Variants in ZNF608 observed in about 807,000 individuals in gnomAD.
ZNF608 encodes the protein renal carcinoma antigen NY-REN-36.
Under a neutral mutation model 109.0 loss-of-function variants are expected in ZNF608, and 12 were observed. That is an observed-to-expected ratio of 0.11 (90% CI 0.07 to 0.18). The LOEUF is 0.18. Among genes scored for constraint, ZNF608 ranks in the 10% least tolerant of loss-of-function variants. The pLI, the probability that ZNF608 is intolerant of heterozygous loss-of-function variation, is 1.00. For missense variants in ZNF608, 1,707 were observed against 1,879.3 expected, an observed-to-expected ratio of 0.91 and a Z score of 1.70; for synonymous variants, 732 against 717.4, an observed-to-expected ratio of 1.02 and a Z score of -0.33.
At chr5:124,691,027 G>T (rs1049285326) in intron 3 of ZNF608, among the ~76,000 whole-genome samples, 2 of 151,352 alleles carry the variant, frequency 1.3e-5, no homozygotes, top group African/African-American at 4.9e-5. Context: ...TTTGTTATTT[G>T]CTATAATCCC....
At chr5:124,730,361 C>A (rs1336347852) in intron 2 of ZNF608, among the ~76,000 whole-genome samples, 1 of 152,132 alleles carries the variant, frequency 6.6e-6, no homozygotes, top group African/African-American at 2.4e-5. Flanking sequence ...AGCTGAAATC[C>A]AACAAGGGCA....
intron 3 of ZNF608, among the ~76,000 whole-genome samples, chr5:124,655,019 C>T (rs78907607): frequency 0.012 from 1,878 of 152,256 alleles, 51 homozygotes; most frequent in African/African-American, 0.043. Context: ...CAACCCCTGG[C>T]GGCACAGTGG....
At chr5:124,638,917 A>G in intron 9 of ZNF608, 2 of 781,880 alleles carry the variant, frequency 2.6e-6, no homozygotes, top group Non-Finnish European at 3.8e-6. Flanking sequence ...TAAAAAACTA[A>G]TCAGTTAATT....
At chr5:124,672,826 C>T (rs571904162) in intron 3 of ZNF608, among the ~76,000 whole-genome samples, 1 of 152,268 alleles carries the variant, frequency 6.6e-6, no homozygotes, top group South Asian at 2.1e-4. Flanking sequence ...CAGATCTTAA[C>T]CTTGTTCAGA....
chr5:124,662,802 C>T (rs77866232), intron 3 of ZNF608, among the ~76,000 whole-genome samples: 3 of 149,280 alleles, frequency 2.0e-5, no homozygotes, highest in Non-Finnish European at 3.0e-5. Context: ...TCAAGAGTTA[C>T]AGACACACAG....
Position 124,695,879 on chromosome 5 carries a change from G to C in ZNF608, c.1162+5135C>G, listed in dbSNP as rs574409468. On this transcript the variant is annotated intron_variant, in intron 3 of 9. Transcript: ENST00000513986. ...GCAGAAGAATTTTAGAACATCTCTG[G>C]TGATTTAAAAGAGAATCATTTCGGC... Among the ~76,000 whole-genome samples the C allele has an allele frequency of 4.6e-5, 7 of 152,006 alleles. No homozygotes were observed. In the East Asian group the frequency reaches 1.2e-3, roughly 25 times the overall value.
At chr5:124,692,938 T>G (rs1484278026) in intron 3 of ZNF608, among the ~76,000 whole-genome samples, 1 of 152,126 alleles carries the variant, frequency 6.6e-6, no homozygotes, top group Non-Finnish European at 1.5e-5. Flanking sequence ...ACATACATGT[T>G]TACACATAAA....
At chr5:124,708,715 G>T (rs1290034848) in intron 2 of ZNF608, 2 of 456,256 alleles carry the variant, frequency 4.4e-6, no homozygotes, top group Non-Finnish European at 8.8e-6. Flanking sequence ...TCATTATCAG[G>T]TATGAAGACC....
chr5:124,746,865 AAAAG>A (rs1749657841), upstream of ZNF608: 1 of 812,950 alleles, frequency 1.2e-6, no homozygotes, highest in Non-Finnish European at 1.5e-6. Flanking sequence ...CAAGAGGAGA[AAAAG>A]AAAGGTGTGG....
upstream of ZNF608, among the ~76,000 whole-genome samples, chr5:124,747,168 CT>C (rs375960252): frequency 4.9e-3 from 671 of 135,624 alleles, 2 homozygotes; most frequent in African/African-American, 6.9e-3. Flanking sequence ...TTTTTGTTTT[CT>C]TTTTTTTTTT....
chr5:124,690,973 A>C (rs537305176), intron 3 of ZNF608, among the ~76,000 whole-genome samples: 1 of 150,830 alleles, frequency 6.6e-6, no homozygotes, highest in East Asian at 1.9e-4. Flanking sequence ...AAAGTGTGCA[A>C]AATTTTTTAC....
chr5:124,723,611 C>A (rs1051457858), intron 2 of ZNF608, among the ~76,000 whole-genome samples: 13 of 152,034 alleles, frequency 8.6e-5, no homozygotes, highest in Non-Finnish European at 1.8e-4. Context: ...TCACTTGAAC[C>A]CAGGAGGCAG....
chr5:124,706,947 G>C (rs1753285135), intron 2 of ZNF608, among the ~76,000 whole-genome samples: 2 of 152,154 alleles, frequency 1.3e-5, no homozygotes, highest in African/African-American at 2.4e-5. Context: ...GGGAGGCAGG[G>C]AAGAAAAGGT....
intron 3 of ZNF608, among the ~76,000 whole-genome samples, chr5:124,699,100 A>G (rs1186678366): frequency 2.6e-5 from 4 of 152,236 alleles, no homozygotes; most frequent in Admixed American, 2.6e-4. Context: ...TTACCCTTAC[A>G]CTTTCCAAAT....
intron 7 of ZNF608, among the ~76,000 whole-genome samples, chr5:124,642,881 G>GT (rs1426385060): frequency 2.6e-5 from 4 of 151,724 alleles, no homozygotes; most frequent in Non-Finnish European, 5.9e-5. Flanking sequence ...ATTTTTAGTA[G>GT]AGACGGAGTT....
chr5:124,694,948 C>G (rs1295549632), intron 3 of ZNF608, among the ~76,000 whole-genome samples: 1 of 152,226 alleles, frequency 6.6e-6, no homozygotes, highest in Non-Finnish European at 1.5e-5. Context: ...CAGAGTGGCA[C>G]TAACTAGTAG....
Position 124,649,047 on chromosome 5 carries a change from C to T in ZNF608, c.1337G>A (p.Gly446Asp). ...KRARSAAAAP[G>D]SEASFTESRG... is the part of the protein sequence containing the mutation. Reference sequence around the variant, plus strand: ...GGACTCTGTGAAGCTGGCCTCGGAGCCCGGGGCAGCAGCAGCAGACCTCGC... The same window carrying T: ...GGACTCTGTGAAGCTGGCCTCGGAGTCCGGGGCAGCAGCAGCAGACCTCGC... Residue 446 changes from glycine (G) to aspartate (D), a missense_variant, in exon 5 of 10, where the codon GGC becomes GAC. Transcript: ENST00000513986. The T allele has an allele frequency of 1.2e-6, 2 of 1,614,146 alleles. No homozygotes were observed. Among genetic ancestry groups the T allele is most frequent in the Non-Finnish European group, 1.7e-6 (2 of 1,180,000 alleles).
At chr5:124,652,331 G>T (rs1750824816) in intron 3 of ZNF608, among the ~76,000 whole-genome samples, 1 of 151,968 alleles carries the variant, frequency 6.6e-6, no homozygotes, top group Non-Finnish European at 1.5e-5. Flanking sequence ...AACCTCAAAG[G>T]GCCTAAATAA....
rs1580729324 is a variant in ZNF608, at chr5:124,744,109, C to G, written c.881G>C (p.Arg294Pro). 4.4e-6 allele frequency: 7 copies of G among 1,595,628 alleles called. No individual in the cohort carries two copies. The highest frequency in any genetic ancestry group is 6.0e-6 in the Non-Finnish European group (7 of 1,171,010). The change falls in exon 2 of 10, where the codon CGA becomes CCA. Residue 294 changes from arginine (R) to proline (P), a missense_variant. Transcript: ENST00000513986. The surrounding 1 kb of genome is among the most constrained non-coding windows in gnomAD (Gnocchi z 4.5). ...KEEEEEESHR[R>P]IKKLKTEKVD... The stretch of plus-strand genomic sequence containing the variant: ...CTTCTCAGTTTTCAGTTTCTTGATT[C>G]GCCTGTGGCTCTCCTCCTCCTCCTC...
Sources: allele counts gnomAD v4.1 joint callset (sites outside exome capture counted in the v4.1 genomes callset), GRCh38; gene constraint gnomAD v4.1.1; non-coding constraint Gnocchi (gnomAD v3.1); transcripts MANE v1.5; gene names NCBI Gene and HGNC (gene_info 2026-07-23, HGNC 2026-07-21).